The following RSPH3 variants were observed in gnomAD, a reference collection of about 807,000 sequenced individuals.
RSPH3 encodes the protein radial spoke head 3.
RSPH3 carries 21 observed loss-of-function variants against 43.8 expected under a neutral mutation model. That is an observed-to-expected ratio of 0.48 (90% CI 0.34 to 0.69). The LOEUF is 0.69. RSPH3 is among the 30% of genes least tolerant of loss of function. The pLI is 0.01. For synonymous variants in RSPH3, 173 were observed against 179.8 expected, an observed-to-expected ratio of 0.96 and a Z score of 0.30; for missense variants, 487 against 516.0, an observed-to-expected ratio of 0.94 and a Z score of 0.54.
At chr6:158,982,838 T>C in intron 4 of RSPH3, 150 bp from the exon 5 acceptor site, 1 of 585,222 alleles carries the variant, frequency 1.7e-6, no homozygotes, top group South Asian at 2.5e-5. Flanking sequence ...TGGTTTCTAA[T>C]CCTCAAAATG....
intron 3 of RSPH3, among the ~76,000 whole-genome samples, chr6:158,984,389 T>C (rs555957893): frequency 1.4e-5 from 2 of 139,178 alleles, no homozygotes; most frequent in Non-Finnish European, 3.0e-5. Flanking sequence ...CATGAGACCG[T>C]AGATGTGTAT....
At position 158,977,797 on chromosome 6, in the gene RSPH3, TC is replaced by T. The variant is rs747335984; in HGVS notation, c.997del (p.Glu333LysfsTer19). 1 of 1,614,086 alleles carries T rather than the reference TC, an allele frequency of 6.2e-7. No homozygotes were observed. Among genetic ancestry groups the T allele is most frequent in the Non-Finnish European group, 8.5e-7 (1 of 1,179,992 alleles). ...EKRLCMYEHG[E>X]DTHQSPEPED... ...GGGTTCTGGAGACTGATGTGTGTCT[TC>T]CCCATGCTCATACATACACAGCCTC... On this transcript the variant is annotated frameshift_variant, in exon 8 of 8. Transcript: ENST00000367069. LOFTEE classifies it low-confidence loss of function (END_TRUNC).
intron 2 of RSPH3, among the ~76,000 whole-genome samples, chr6:158,991,622 C>T (rs900741600): frequency 1.6e-4 from 25 of 152,172 alleles, no homozygotes; most frequent in African/African-American, 5.8e-4. Context: ...CTGGCACCAC[C>T]CCAGAAAGAG....
intron 3 of RSPH3, 146 bp from the exon 4 acceptor site, chr6:158,983,953 G>A: frequency 1.6e-6 from 1 of 615,216 alleles, no homozygotes. Context: ...GGCCAACATG[G>A]CGAAACCCCA....
At position 158,977,624 on chromosome 6, in the gene RSPH3, T is replaced by C. The variant is rs1777889261; in HGVS notation, c.1171A>G (p.Arg391Gly). 6.2e-7 allele frequency: 1 copy of C among 1,614,160 alleles called. No individual in the cohort carries two copies. Among genetic ancestry groups the C allele is most frequent in the Non-Finnish European group, 8.5e-7 (1 of 1,180,014 alleles). The change falls in exon 8 of 8, where the codon AGG becomes GGG. Residue 391 changes from arginine (R) to glycine (G), a missense_variant. Arg to Gly is a moderately radical substitution (Grantham distance 125). Coordinates refer to ENST00000367069, the MANE Select transcript of RSPH3 (RefSeq NM_031924.8). ...TTYDRRSSQE[R>G]KFMEERELLG... is the part of the protein sequence containing the mutation. ...AGTTCTCTCTCTTCCATAAACTTCC[T>C]TTCCTGGGATGACCTTCTGTCATAT... is the stretch of plus-strand genomic sequence containing the variant.
chr6:158,991,765 G>A (rs1778416692), intron 2 of RSPH3, among the ~76,000 whole-genome samples: 1 of 152,192 alleles, frequency 6.6e-6, no homozygotes, highest in Non-Finnish European at 1.5e-5. Context: ...TTCTAATGCA[G>A]GAGATCCAGG....
At chr6:158,970,076 C>CTT (rs570055821), downstream of RSPH3, among the ~76,000 whole-genome samples, 2,575 of 150,532 alleles carry the variant, frequency 0.017, 33 homozygotes, top group Middle Eastern at 0.024. Flanking sequence ...CTGCCTTGTA[C>CTT]TTTTTTCTTT....
Position 158,999,604 on chromosome 6 carries a change from G to A in RSPH3, c.-54C>T, listed in dbSNP as rs1778781820. The stretch of plus-strand genomic sequence containing the variant: ...TGGAGCTTGGCTTTGAAGCAGGTGG[G>A]CGCTAAGGTGTTGTGGGACCCGGAG... On this transcript the variant is annotated 5_prime_UTR_variant, in exon 1 of 8. Transcript: ENST00000367069. 1 of 1,612,216 alleles carries A rather than the reference G, an allele frequency of 6.2e-7. No individual in the cohort carries two copies. Among genetic ancestry groups the A allele is most frequent in the Non-Finnish European group, 8.5e-7 (1 of 1,178,572 alleles).
Position 158,998,673 on chromosome 6 carries a change from T to C in RSPH3, c.116+762A>G, listed in dbSNP as rs867287127. On this transcript the variant is annotated intron_variant, in intron 1 of 7. Transcript: ENST00000367069. ...GAGTTTGAGACCAGCCTGGCCAACG[T>C]GGCAAAACCCTGTCTCTACTAAAAA... Among the ~76,000 whole-genome samples, 199 of 150,044 alleles carry C rather than the reference T, an allele frequency of 1.3e-3. 1 individual carries two copies. Among genetic ancestry groups the C allele is most frequent in the African/African-American group, 4.7e-3 (190 of 40,808 alleles).
In RSPH3 at chr6:158,976,859, C is replaced by T. The variant is rs1180480985; in HGVS notation, c.*679G>A. 6.5e-6 allele frequency: 1 copy of T among 152,694 alleles called. No individual in the cohort carries two copies. The highest frequency in any genetic ancestry group is 1.9e-4 in the East Asian group (1 of 5,214). 9.5% of individuals were successfully genotyped at this position (152,694 alleles called of 1,614,324 possible). A position where few individuals can be genotyped will look rare whatever the true frequency, so the allele number is the denominator to read the frequency against. Reference sequence around the variant, plus strand: ...GAGACGGAGTTTTGCTCTTGTTGCCCAGGCTGGAGTGCAATGGTGCAAACT... The same window carrying T: ...GAGACGGAGTTTTGCTCTTGTTGCCTAGGCTGGAGTGCAATGGTGCAAACT... On this transcript the variant is annotated 3_prime_UTR_variant, in exon 8 of 8. Transcript: ENST00000367069.
chr6:158,999,821 C>T lies in RSPH3; in HGVS notation c.-271G>A, dbSNP rs1298166805. 6.2e-7 allele frequency: 1 copy of T among 1,613,828 alleles called. No homozygotes were observed. Among genetic ancestry groups the T allele is most frequent in the Admixed American group, 1.7e-5 (1 of 60,000 alleles). ...CCAGGGTTCTGTCTGGGGGCGGGAA[C>T]TCCGGGCAGTTCCGGTCCCCAGGTT... On this transcript the variant is annotated 5_prime_UTR_variant, in exon 1 of 8. Coordinates refer to ENST00000367069, the MANE Select transcript of RSPH3 (RefSeq NM_031924.8).
intron 6 of RSPH3, among the ~76,000 whole-genome samples, chr6:158,978,786 G>T (rs935082024): frequency 1.3e-5 from 2 of 152,092 alleles, no homozygotes; most frequent in South Asian, 4.1e-4. Flanking sequence ...TGATTCACCC[G>T]CCTCGGCCTC....
At chr6:158,994,356 TA>T (rs1165436769) in intron 1 of RSPH3, among the ~76,000 whole-genome samples, 3 of 152,190 alleles carry the variant, frequency 2.0e-5, no homozygotes, top group Admixed American at 6.5e-5. Flanking sequence ...GTTACACTAA[TA>T]AAAAAATGAG....
chr6:158,992,375 G>A (rs1158505693), intron 2 of RSPH3, among the ~76,000 whole-genome samples: 1 of 151,702 alleles, frequency 6.6e-6, no homozygotes, highest in Admixed American at 6.6e-5. Context: ...GTCCTCCTGG[G>A]CTCAATCAAT....
the RSPH3 span, among the ~76,000 whole-genome samples, chr6:158,963,339 C>CTCCT: frequency 1.5e-5 from 2 of 129,170 alleles, no homozygotes; most frequent in African/African-American, 5.6e-5. Flanking sequence ...TTCCTTCCTT[C>CTCCT]TCCTTCCTTC....
chr6:158,968,707 A>ATTAT (rs1554287632), downstream of RSPH3, among the ~76,000 whole-genome samples: 15 of 151,884 alleles, frequency 9.9e-5, no homozygotes, highest in African/African-American at 2.2e-4. Flanking sequence ...TAGTAGTATT[A>ATTAT]TTATTTATTT....
At chr6:158,981,046 A>G in intron 5 of RSPH3, 110 bp from the exon 6 acceptor site, 1 of 1,016,022 alleles carries the variant, frequency 9.8e-7, no homozygotes, top group Non-Finnish European at 1.5e-6. Context: ...ATGGACAGCG[A>G]GGTGTCTATC....
At position 158,973,760 on chromosome 6, in the gene RSPH3, A is replaced by G. The variant is rs1213399462; in HGVS notation, c.*3778T>C. 3.3e-5 allele frequency: 5 copies of G among 152,100 alleles called. No individual in the cohort carries two copies. The highest frequency in any genetic ancestry group is 9.6e-5 in the African/African-American group (4 of 41,492). 9.4% of individuals were successfully genotyped at this position (152,100 alleles called of 1,614,324 possible). A position where few individuals can be genotyped will look rare whatever the true frequency, so the allele number is the denominator to read the frequency against. On this transcript the variant is annotated 3_prime_UTR_variant, in exon 8 of 8. Transcript: ENST00000367069. ...TGTAATGATGCCTATGCTAGAGAAA[A>G]TTTCATTCTACCTCTCTGATCTATT...
At chr6:158,972,286 C>T (rs1404883031), downstream of RSPH3, among the ~76,000 whole-genome samples, 2 of 152,128 alleles carry the variant, frequency 1.3e-5, no homozygotes, top group African/African-American at 4.8e-5. Context: ...AAAGTGAAAA[C>T]CTCATCCTTA....
Sources: gnomAD v4.1 joint callset for allele counts (sites outside exome capture counted in the v4.1 genomes callset) on GRCh38, gnomAD v4.1.1 for gene constraint, MANE v1.5 for transcripts, NCBI Gene and HGNC (gene_info 2026-07-23, HGNC 2026-07-21) for gene names.